The following EBF2 variants were observed in gnomAD, a reference collection of about 807,000 sequenced individuals.
EBF2 encodes the protein EBF transcription factor 2, also known as transcription factor COE2.
A neutral mutation model predicts 72.8 loss-of-function variants in EBF2; 21 were observed. The ratio of observed to expected loss-of-function variants is 0.29; its 90% CI spans 0.20 to 0.42. The LOEUF (loss-of-function observed/expected upper bound fraction) is 0.42, where lower values mean the gene tolerates loss of function less well. Among genes scored for constraint, EBF2 ranks in the 10% least tolerant of loss-of-function variants. EBF2 has a pLI of 1.00. For synonymous variants in EBF2, 299 were observed against 274.2 expected (o/e 1.09, Z -0.89); for missense variants, 637 against 731.2 (o/e 0.87, Z 1.49).
intron 5 of EBF2, among the ~76,000 whole-genome samples, chr8:26,038,864 G>C (rs967607919): frequency 2.0e-5 from 3 of 152,200 alleles, no homozygotes; most frequent in Non-Finnish European, 4.4e-5. Flanking sequence ...GACTGGGTTG[G>C]GGAGGGAGAC....
chr8:26,006,087 A>T (rs1804877135), intron 6 of EBF2, among the ~76,000 whole-genome samples: 3 of 152,194 alleles, frequency 2.0e-5, no homozygotes, highest in Admixed American at 2.0e-4. Context: ...GAGTGGGAAT[A>T]AAAAGTTAAA....
At chr8:25,870,333 C>T (rs1172460246) in intron 10 of EBF2, among the ~76,000 whole-genome samples, 3 of 151,738 alleles carry the variant, frequency 2.0e-5, no homozygotes, top group African/African-American at 7.3e-5. Context: ...GATATGGGTA[C>T]ACTCACAACG....
At chr8:25,870,661 A>G (rs1802421804) in intron 10 of EBF2, among the ~76,000 whole-genome samples, 1 of 152,146 alleles carries the variant, frequency 6.6e-6, no homozygotes, top group African/African-American at 2.4e-5. Context: ...ATTGCAAACC[A>G]CTAGGATACA....
intron 6 of EBF2, among the ~76,000 whole-genome samples, chr8:25,953,971 G>A (rs1803903200): frequency 6.6e-6 from 1 of 152,128 alleles, no homozygotes. Context: ...GTTAAAGGTT[G>A]GGCTTTCCTT....
At chr8:25,914,212 G>A (rs574839694) in intron 6 of EBF2, among the ~76,000 whole-genome samples, 21 of 152,316 alleles carry the variant, frequency 1.4e-4, no homozygotes, top group South Asian at 8.3e-4. Flanking sequence ...AAGAAAACTC[G>A]CAAGTGATTG....
At chr8:25,993,945 C>T (rs7821815) in intron 6 of EBF2, among the ~76,000 whole-genome samples, 83,158 of 151,882 alleles carry the variant, frequency 0.55, 24,148 homozygotes, top group Admixed American at 0.64. Context: ...AAGAGTTTTA[C>T]AGCCACTATT....
rs9314310 is a variant in EBF2, at chr8:25,882,470, G to C, written c.1009+4285C>G. ...GGCAGGTGGTGAAGTTTTCAGGAACGTTGTGAGCTACTTGAGTGGTAGCTT... is the reference window on the plus strand; with the variant it reads ...GGCAGGTGGTGAAGTTTTCAGGAACCTTGTGAGCTACTTGAGTGGTAGCTT... On this transcript the variant is annotated intron_variant, in intron 10 of 15. Coordinates refer to ENST00000520164, the MANE Select transcript of EBF2 (RefSeq NM_022659.4). Among the ~76,000 whole-genome samples the C allele has an allele frequency of 4.3e-3, 651 of 152,258 alleles. 4 individuals carry two copies. The highest frequency in any genetic ancestry group is 0.015 in the African/African-American group (618 of 41,532).
intron 5 of EBF2, among the ~76,000 whole-genome samples, chr8:26,036,634 G>C (rs1440316527): frequency 6.6e-6 from 1 of 151,878 alleles, no homozygotes; most frequent in Non-Finnish European, 1.5e-5. Context: ...AGCAATATTA[G>C]CACAAGCAAT....
At chr8:25,929,223 A>G (rs1803439966) in intron 6 of EBF2, among the ~76,000 whole-genome samples, 1 of 152,212 alleles carries the variant, frequency 6.6e-6, no homozygotes, top group Admixed American at 6.5e-5. Flanking sequence ...ACAGACAAGG[A>G]AACTGAGGTT....
chr8:25,874,771 G>A (rs6984017), intron 10 of EBF2, among the ~76,000 whole-genome samples: 40,016 of 151,322 alleles, frequency 0.26, 5,677 homozygotes, highest in South Asian at 0.4. Context: ...CTGCAGCCTC[G>A]ATCTCCTGGG....
chr8:25,909,391 C>T (rs1308790564), intron 6 of EBF2, among the ~76,000 whole-genome samples: 3 of 141,444 alleles, frequency 2.1e-5, no homozygotes, highest in African/African-American at 7.7e-5. Context: ...ATTTCACTTG[C>T]AGAGTCCTTT....
intron 7 of EBF2, among the ~76,000 whole-genome samples, chr8:25,892,116 A>G (rs1411521055): frequency 6.6e-6 from 1 of 152,192 alleles, no homozygotes; most frequent in Non-Finnish European, 1.5e-5. Context: ...ATCAAACCCT[A>G]TATTATGCTT....
chr8:25,845,676 A>C (rs902007383), intron 15 of EBF2, among the ~76,000 whole-genome samples: 8 of 152,198 alleles, frequency 5.3e-5, no homozygotes, highest in African/African-American at 1.9e-4. Flanking sequence ...CACCAGCACA[A>C]TGTGGAAAAA....
chr8:25,902,426 T>C (rs1008765038), intron 7 of EBF2, among the ~76,000 whole-genome samples: 2 of 152,202 alleles, frequency 1.3e-5, no homozygotes, highest in African/African-American at 4.8e-5. Context: ...TTAGATACTT[T>C]GAGGAGCCCT....
chr8:25,857,670 G>C (rs904753499), intron 14 of EBF2, among the ~76,000 whole-genome samples: 4 of 152,144 alleles, frequency 2.6e-5, no homozygotes, highest in Admixed American at 2.0e-4. Context: ...TCCCAGAGCA[G>C]GGACTTTGCT....
chr8:25,996,340 AC>A (rs1177656226), intron 6 of EBF2, among the ~76,000 whole-genome samples: 1 of 152,016 alleles, frequency 6.6e-6, no homozygotes, highest in Non-Finnish European at 1.5e-5. Context: ...GATGTGAAAA[AC>A]ATTAATGAAA....
At chr8:25,884,430 C>T (rs1248462440) in intron 10 of EBF2, among the ~76,000 whole-genome samples, 4 of 152,136 alleles carry the variant, frequency 2.6e-5, no homozygotes, top group Non-Finnish European at 5.9e-5. Flanking sequence ...ACAGCTGGCG[C>T]CATCCTGGGA....
At chr8:25,985,597 T>C (rs755916280) in intron 6 of EBF2, among the ~76,000 whole-genome samples, 2 of 152,180 alleles carry the variant, frequency 1.3e-5, no homozygotes, top group Admixed American at 6.5e-5. Context: ...ACCAGATATA[T>C]AACAAAGGTC....
At chr8:26,029,542 T>A (rs902674098) in intron 6 of EBF2, among the ~76,000 whole-genome samples, 3 of 152,162 alleles carry the variant, frequency 2.0e-5, no homozygotes, top group Non-Finnish European at 4.4e-5. Context: ...TGGGGAACCA[T>A]CCTCTCCCTC....
Sources: gnomAD v4.1 joint callset for allele counts (sites outside exome capture counted in the v4.1 genomes callset) on GRCh38, gnomAD v4.1.1 for gene constraint, MANE v1.5 for transcripts, NCBI Gene and HGNC (gene_info 2026-07-23, HGNC 2026-07-21) for gene names.